FOXP2: variants seen among roughly 807,000 people sequenced by gnomAD.
The protein encoded by FOXP2 is forkhead box protein P2.
FOXP2 carries 12 observed loss-of-function variants against 115.8 expected under a neutral mutation model. The observed-to-expected ratio is 0.10, with a 90% CI of 0.07 to 0.17. FOXP2 has a LOEUF of 0.17. FOXP2 is among the 10% of genes least tolerant of loss of function. The pLI, the probability that FOXP2 is intolerant of heterozygous loss-of-function variation, is 1.00. For missense variants in FOXP2, 629 were observed against 843.5 expected (o/e 0.75, Z 3.15); for synonymous variants, 328 against 297.7 (o/e 1.10, Z -1.05).
intron 3 of FOXP2, among the ~76,000 whole-genome samples, chr7:114,539,979 T>A (rs1799576978): frequency 1.3e-5 from 2 of 152,034 alleles, no homozygotes; most frequent in African/African-American, 4.8e-5. Flanking sequence ...CCTTTCAAGA[T>A]TGCTGTGAAG....
rs537586502 is a variant in FOXP2, at chr7:114,570,028, G to T, written c.258+35322G>T. On this transcript the variant is annotated intron_variant, in intron 3 of 16. Transcript: ENST00000350908. ...AAGTCTAAGGATGTGTTGTCACATGGTCTATTCAAATGCAGTGTAATCCTT... is the reference window on the plus strand; with the variant it reads ...AAGTCTAAGGATGTGTTGTCACATGTTCTATTCAAATGCAGTGTAATCCTT... Among the ~76,000 whole-genome samples the T allele has an allele frequency of 1.1e-4, 17 of 151,896 alleles. No homozygotes were observed. The South Asian group carries it at 2.1e-3, about 19-fold the overall frequency.
chr7:114,372,892 T>C (rs914722973), intron 2 of FOXP2, among the ~76,000 whole-genome samples: 2 of 152,236 alleles, frequency 1.3e-5, no homozygotes, highest in Non-Finnish European at 2.9e-5. Context: ...TCGTACTCTT[T>C]CCTTTAAGCT....
At chr7:114,373,661 G>A (rs1457117179) in intron 2 of FOXP2, among the ~76,000 whole-genome samples, 1 of 152,248 alleles carries the variant, frequency 6.6e-6, no homozygotes. Flanking sequence ...ATAAAAAAGT[G>A]GACCATCCAG....
chr7:114,647,878 A>T (rs115397644), intron 8 of FOXP2, among the ~76,000 whole-genome samples: 2,479 of 152,162 alleles, frequency 0.016, 54 homozygotes, highest in African/African-American at 0.056. Flanking sequence ...TGAACCTGCA[A>T]GCATAGATGC....
intron 16 of FOXP2, among the ~76,000 whole-genome samples, chr7:114,672,914 T>C (rs117987404): frequency 0.045 from 6,786 of 152,170 alleles, 208 homozygotes; most frequent in South Asian, 0.072. Context: ...GAAAAATGGG[T>C]AAGCCACATC....
At chr7:114,584,726 C>G (rs1380893449) in intron 3 of FOXP2, among the ~76,000 whole-genome samples, 1 of 152,216 alleles carries the variant, frequency 6.6e-6, no homozygotes, top group East Asian at 1.9e-4. Flanking sequence ...TCCTTCCTCT[C>G]TGCTCTGAAA....
chr7:114,238,493 C>G (rs1795067872), intron 1 of FOXP2, among the ~76,000 whole-genome samples: 1 of 152,062 alleles, frequency 6.6e-6, no homozygotes, highest in South Asian at 2.1e-4. Context: ...AGTTAAATGC[C>G]TTGGCGAAGT....
Position 114,280,370 on chromosome 7 carries a change from G to A in FOXP2, c.-101-7649G>A, listed in dbSNP as rs1427514292. On this transcript the variant is annotated intron_variant, in intron 1 of 17. Coordinates refer to the FOXP2 transcript ENST00000634411. The stretch of plus-strand genomic sequence containing the variant: ...TTCATATATTACTTTTAGTGACAGT[G>A]TCAAGAGCACTGTGATTTTTTTCTC... 2.6e-5 allele frequency among the ~76,000 whole-genome samples: 4 copies of A among 151,920 alleles called. No individual in the cohort carries two copies. The East Asian group carries it at 5.8e-4, about 22-fold the overall frequency.
intron 1 of FOXP2, among the ~76,000 whole-genome samples, chr7:114,093,962 T>C (rs1425935875): frequency 6.6e-6 from 1 of 152,066 alleles, no homozygotes; most frequent in Non-Finnish European, 1.5e-5. Context: ...TGAATAGAAT[T>C]AAGTGTATGT....
chr7:114,136,445 G>A (rs1425709890), intron 1 of FOXP2, among the ~76,000 whole-genome samples: 1 of 151,950 alleles, frequency 6.6e-6, no homozygotes, highest in Non-Finnish European at 1.5e-5. Context: ...TGGTAGTGTG[G>A]TGTAAACTAG....
At chr7:114,319,532 G>C (rs1181664831) in intron 2 of FOXP2, among the ~76,000 whole-genome samples, 2 of 152,160 alleles carry the variant, frequency 1.3e-5, no homozygotes, top group Non-Finnish European at 2.9e-5. Flanking sequence ...CATTGTATGA[G>C]GATGGCAGCA....
intron 2 of FOXP2, among the ~76,000 whole-genome samples, chr7:114,443,291 CTTT>C (rs1437676020): frequency 6.6e-6 from 1 of 152,054 alleles, no homozygotes; most frequent in African/African-American, 2.4e-5. Flanking sequence ...GTTATGCATT[CTTT>C]AATTTTAAAA....
chr7:114,498,723 A>G (rs1797432310), intron 2 of FOXP2, among the ~76,000 whole-genome samples: 1 of 152,194 alleles, frequency 6.6e-6, no homozygotes, highest in African/African-American at 2.4e-5. Flanking sequence ...CACATTTTTA[A>G]CTGGTTAGAA....
At chr7:114,277,498 G>T (rs1452216001) in intron 1 of FOXP2, among the ~76,000 whole-genome samples, 2 of 151,688 alleles carry the variant, frequency 1.3e-5, no homozygotes, top group Non-Finnish European at 2.9e-5. Context: ...ATAAATATTG[G>T]ATACAGTCTA....
At chr7:114,643,994 G>A (rs1049691150) in intron 7 of FOXP2, among the ~76,000 whole-genome samples, 1 of 152,078 alleles carries the variant, frequency 6.6e-6, no homozygotes, top group African/African-American at 2.4e-5. Flanking sequence ...GAGTATCATG[G>A]AAACTTTTTC....
chr7:114,268,088 A>G (rs1240583607), intron 1 of FOXP2, among the ~76,000 whole-genome samples: 1 of 152,222 alleles, frequency 6.6e-6, no homozygotes. Flanking sequence ...AATTTTACTC[A>G]GCATAATGTC....
At chr7:114,646,022 T>TA (rs1323097584) in intron 8 of FOXP2, among the ~76,000 whole-genome samples, 1 of 101,696 alleles carries the variant, frequency 9.8e-6, no homozygotes, top group Non-Finnish European at 2.0e-5. Context: ...AAGAGACCAT[T>TA]AAAAAATGTT....
At chr7:114,111,978 A>G (rs1282617696) in intron 1 of FOXP2, among the ~76,000 whole-genome samples, 3 of 152,050 alleles carry the variant, frequency 2.0e-5, no homozygotes, top group South Asian at 2.1e-4. Context: ...CTGATGGACT[A>G]CTATTAACTA....
At chr7:114,134,662 G>T (rs916962403) in intron 1 of FOXP2, among the ~76,000 whole-genome samples, 1 of 147,934 alleles carries the variant, frequency 6.8e-6, no homozygotes, top group African/African-American at 2.5e-5. Flanking sequence ...GCAGTGAGCC[G>T]AGATCCCGCC....
Sources: allele counts gnomAD v4.1 joint callset (sites outside exome capture counted in the v4.1 genomes callset), GRCh38; gene constraint gnomAD v4.1.1; transcripts MANE v1.5; gene names NCBI Gene and HGNC (gene_info 2026-07-23, HGNC 2026-07-21).